The following SCMH1 variants were observed in gnomAD, a reference collection of about 807,000 sequenced individuals.
The protein encoded by SCMH1 is Scm polycomb group protein homolog 1.
Under a neutral mutation model 70.8 loss-of-function variants are expected in SCMH1, and 37 were observed. That is an observed-to-expected ratio of 0.52 (90% CI 0.40 to 0.69). The LOEUF is 0.69. Among genes scored for constraint, SCMH1 ranks in the 30% least tolerant of loss-of-function variants. SCMH1 has a pLI of 0.00. For missense variants in SCMH1, 607 were observed against 827.3 expected (o/e 0.73, Z 3.27); for synonymous variants, 292 against 307.4 (o/e 0.95, Z 0.52).
intron 2 of SCMH1, among the ~76,000 whole-genome samples, chr1:41,164,352 C>G (rs991955843): frequency 2.0e-5 from 3 of 151,904 alleles, no homozygotes; most frequent in Non-Finnish European, 4.4e-5. Context: ...ACTATGTTTA[C>G]TTTTCCAATT....
chr1:41,201,882 T>C (rs145055990), intron 1 of SCMH1, among the ~76,000 whole-genome samples: 22 of 152,312 alleles, frequency 1.4e-4, no homozygotes, highest in Non-Finnish European at 3.1e-4. Context: ...CAGTATTTAC[T>C]AGGAACCTTC....
At chr1:41,166,399 T>C (rs900543578) in intron 2 of SCMH1, among the ~76,000 whole-genome samples, 6 of 152,128 alleles carry the variant, frequency 3.9e-5, no homozygotes, top group African/African-American at 1.2e-4. Context: ...AGAATTTTGA[T>C]GGCAGTTGCA....
intron 10 of SCMH1, among the ~76,000 whole-genome samples, chr1:41,066,387 A>G (rs1350266754): frequency 6.6e-6 from 1 of 152,130 alleles, no homozygotes; most frequent in Non-Finnish European, 1.5e-5. Flanking sequence ...TTCCTAGCCA[A>G]TCTCAGCCAG....
chr1:41,192,586 T>C (rs985493322), intron 1 of SCMH1, among the ~76,000 whole-genome samples: 2 of 151,996 alleles, frequency 1.3e-5, no homozygotes, highest in Non-Finnish European at 2.9e-5. Context: ...ATGTTGCTGC[T>C]TCCTTTTCCT....
intron 4 of SCMH1, among the ~76,000 whole-genome samples, chr1:41,156,007 A>G (rs1050166372): frequency 6.7e-5 from 9 of 133,904 alleles, no homozygotes; most frequent in African/African-American, 2.3e-4. Flanking sequence ...AAAAAAAAAA[A>G]GCTGAGATTT....
At chr1:41,055,051 G>A (rs371541625) in intron 10 of SCMH1, among the ~76,000 whole-genome samples, 3 of 152,044 alleles carry the variant, frequency 2.0e-5, no homozygotes, top group Admixed American at 6.6e-5. Flanking sequence ...CCAAAGTGCT[G>A]GCATTATGGG....
intron 8 of SCMH1, among the ~76,000 whole-genome samples, chr1:41,096,584 G>A (rs1665136238): frequency 6.6e-6 from 1 of 152,162 alleles, no homozygotes; most frequent in Admixed American, 6.5e-5. Flanking sequence ...GGGAGGTGAA[G>A]AGCAGGGTAG....
chr1:41,199,263 C>A (rs1653733254), intron 1 of SCMH1, among the ~76,000 whole-genome samples: 1 of 152,174 alleles, frequency 6.6e-6, no homozygotes, highest in Non-Finnish European at 1.5e-5. Context: ...GAGCACATTA[C>A]TAGCACCCCA....
At chr1:41,118,546 C>T (rs1379347547) in intron 6 of SCMH1, among the ~76,000 whole-genome samples, 1 of 152,146 alleles carries the variant, frequency 6.6e-6, no homozygotes, top group Non-Finnish European at 1.5e-5. Flanking sequence ...CATACACACA[C>T]CAAGTACAAA....
At chr1:41,169,135 G>A (rs1646619566) in intron 2 of SCMH1, among the ~76,000 whole-genome samples, 1 of 152,128 alleles carries the variant, frequency 6.6e-6, no homozygotes, top group African/African-American at 2.4e-5. Context: ...GTGGTCTAAG[G>A]CTACTCATGA....
intron 8 of SCMH1, among the ~76,000 whole-genome samples, chr1:41,081,762 C>G (rs1334221507): frequency 6.6e-6 from 1 of 151,718 alleles, no homozygotes; most frequent in Non-Finnish European, 1.5e-5. Flanking sequence ...CATGGCTGCA[C>G]TGAACCATGA....
chr1:41,143,133 G>A lies in SCMH1; in HGVS notation c.178-21C>T, dbSNP rs2148229559. On this transcript the variant is annotated intron_variant, in intron 5 of 14. Coordinates refer to ENST00000337495, the Ensembl canonical transcript of SCMH1. ...TAGGACTGGGAAAAACAAGGCATGAGGTATAGACAGATTAAGAGTAAAACC... is the reference window on the plus strand; with the variant it reads ...TAGGACTGGGAAAAACAAGGCATGAAGTATAGACAGATTAAGAGTAAAACC... 3.1e-6 allele frequency: 5 copies of A among 1,591,222 alleles called. No individual in the cohort carries two copies. The East Asian group carries it at 9.0e-5, about 29-fold the overall frequency.
chr1:41,113,420 C>G lies in SCMH1; in HGVS notation c.608G>C (p.Arg203Pro). ...AAAAGTGACAAGCACCTCTGAGCCC[C>G]GAACCTCCCCAATAGTGGCTGGGCA... Residue 203 changes from arginine to proline, a missense_variant, in exon 8 of 15, where the codon CGG becomes CCG. Physicochemically the swap from Arg to Pro is moderately radical, Grantham distance 103. Around this residue, in one of 3 missense-constraint regions of SCMH1, gnomAD observed 105 missense variants for 214.5 expected, o/e 0.49. Coordinates refer to ENST00000337495, the Ensembl canonical transcript of SCMH1. This position sits in a 1 kb window ranked among gnomAD's most constrained non-coding sequence, Gnocchi z 4.3. The G allele has an allele frequency of 1.2e-6, 2 of 1,613,998 alleles. No homozygotes were observed. Among genetic ancestry groups the G allele is most frequent in the South Asian group, 2.2e-5 (2 of 91,068 alleles).
Position 41,072,995 on chromosome 1 carries a change from C to T in SCMH1, c.978+2224G>A, listed in dbSNP as rs561929410. 9.2e-5 allele frequency among the ~76,000 whole-genome samples: 14 copies of T among 152,240 alleles called. No individual in the cohort carries two copies. In the South Asian group the frequency reaches 2.9e-3, roughly 32 times the overall value. ...GTATCAAATGCTAGGACATAAAACA[C>T]AGGAAAAGATGAGAATGACTGCTTT... On this transcript the variant is annotated intron_variant, in intron 9 of 14. Transcript: ENST00000337495.
At chr1:41,172,801 G>C (rs1342413591) in intron 2 of SCMH1, among the ~76,000 whole-genome samples, 1 of 152,144 alleles carries the variant, frequency 6.6e-6, no homozygotes, top group African/African-American at 2.4e-5. Context: ...ACAGCCAACT[G>C]ATTTTTGAGA....
chr1:41,092,877 G>A (rs1177667305), intron 8 of SCMH1, among the ~76,000 whole-genome samples: 3 of 151,598 alleles, frequency 2.0e-5, no homozygotes, highest in Non-Finnish European at 4.4e-5. Context: ...GAAACAACAG[G>A]TGCTGGAGAG....
At chr1:41,066,631 T>A (rs1393024386) in intron 10 of SCMH1, among the ~76,000 whole-genome samples, 1 of 152,146 alleles carries the variant, frequency 6.6e-6, no homozygotes, top group Non-Finnish European at 1.5e-5. Flanking sequence ...TGGAGTGCAG[T>A]GGTGTGATTT....
intron 10 of SCMH1, among the ~76,000 whole-genome samples, chr1:41,056,863 G>GA (rs1427841064): frequency 6.6e-6 from 1 of 152,092 alleles, no homozygotes; most frequent in Non-Finnish European, 1.5e-5. Flanking sequence ...AAATATAAGA[G>GA]AAAAATACCC....
chr1:41,116,197 A>C (rs1670430305), intron 7 of SCMH1, among the ~76,000 whole-genome samples: 1 of 152,250 alleles, frequency 6.6e-6, no homozygotes, highest in Non-Finnish European at 1.5e-5. Flanking sequence ...CAAAGAATAC[A>C]AGAACTACTC....
Sources: allele counts gnomAD v4.1 joint callset (sites outside exome capture counted in the v4.1 genomes callset), GRCh38; gene constraint gnomAD v4.1.1; regional missense constraint gnomAD v4.1.1; non-coding constraint Gnocchi (gnomAD v3.1); transcripts MANE v1.5; gene names NCBI Gene and HGNC (gene_info 2026-07-23, HGNC 2026-07-21).